The following CCDC178 variants were observed in gnomAD, a reference collection of about 807,000 sequenced individuals.
CCDC178 encodes the protein coiled-coil domain containing 178.
Under a neutral mutation model 117.4 loss-of-function variants are expected in CCDC178, and 126 were observed. The ratio of observed to expected loss-of-function variants is 1.07; its 90% CI spans 0.93 to 1.24. The LOEUF is 1.24. Ranked by LOEUF, CCDC178 falls within the 50% of genes most tolerant of loss-of-function variation. CCDC178 has a pLI of 0.00. For synonymous variants in CCDC178, 283 were observed against 313.4 expected (o/e 0.90, Z 1.02); for missense variants, 1,030 against 986.9 (o/e 1.04, Z -0.59).
chr18:33,439,756 C>T (rs2064352533), intron 2 of CCDC178, among the ~76,000 whole-genome samples: 1 of 152,138 alleles, frequency 6.6e-6, no homozygotes, highest in Admixed American at 6.5e-5. Context: ...AATCAATACA[C>T]AACAGATTAT....
At chr18:32,984,248 C>T (rs1022885098) in intron 21 of CCDC178, among the ~76,000 whole-genome samples, 1 of 151,714 alleles carries the variant, frequency 6.6e-6, no homozygotes, top group Non-Finnish European at 1.5e-5. Flanking sequence ...GCATTTGGAT[C>T]TCTGCTAATA....
chr18:33,131,774 A>G (rs2058070664), intron 20 of CCDC178, among the ~76,000 whole-genome samples: 1 of 151,790 alleles, frequency 6.6e-6, no homozygotes, highest in Non-Finnish European at 1.5e-5. Flanking sequence ...ATAATAATAT[A>G]ACATGAAACC....
intron 21 of CCDC178, among the ~76,000 whole-genome samples, chr18:33,008,854 T>C (rs2055803786): frequency 6.6e-6 from 1 of 152,130 alleles, no homozygotes; most frequent in Non-Finnish European, 1.5e-5. Context: ...CCAGTAAGGA[T>C]ACTTTCCCTC....
In CCDC178 at chr18:33,013,710, C is replaced by T. The variant is rs143519447; in HGVS notation, c.2389-39029G>A. ...GGGATAATTTCACTCAAGAAGTGGACATGGATGAAAGGTATTTCACTTAAG... is the reference window on the plus strand; with the variant it reads ...GGGATAATTTCACTCAAGAAGTGGATATGGATGAAAGGTATTTCACTTAAG... On this transcript the variant is annotated intron_variant, in intron 21 of 22. Coordinates refer to ENST00000383096, the MANE Select transcript of CCDC178 (RefSeq NM_001105528.4). Among the ~76,000 whole-genome samples the T allele has an allele frequency of 2.7e-3, 410 of 152,268 alleles. 2 individuals are homozygous for T. Among genetic ancestry groups the T allele is most frequent in the South Asian group, 9.1e-3 (44 of 4,830 alleles).
intron 21 of CCDC178, among the ~76,000 whole-genome samples, chr18:33,075,348 G>A (rs2057185557): frequency 6.6e-6 from 1 of 152,056 alleles, no homozygotes; most frequent in Non-Finnish European, 1.5e-5. Context: ...TGGCCATCTG[G>A]ATTTTTAAAG....
intron 20 of CCDC178, among the ~76,000 whole-genome samples, chr18:33,158,902 C>T (rs796181945): frequency 2.6e-4 from 39 of 152,092 alleles, no homozygotes; most frequent in African/African-American, 8.2e-4. Flanking sequence ...TTTAAAGGTA[C>T]GTTAGTTATT....
At chr18:33,251,878 C>T (rs1179676169) in intron 14 of CCDC178, among the ~76,000 whole-genome samples, 2 of 151,688 alleles carry the variant, frequency 1.3e-5, no homozygotes, top group Non-Finnish European at 3.0e-5. Context: ...ATGAAGAAAG[C>T]TGCTGGTTTA....
intron 22 of CCDC178, among the ~76,000 whole-genome samples, chr18:32,960,361 T>C (rs945476687): frequency 6.6e-6 from 1 of 151,634 alleles, no homozygotes; most frequent in Admixed American, 6.6e-5. Context: ...ACAGAGTGAG[T>C]GGAAACAACT....
chr18:33,251,549 GC>G (rs1311058679), intron 14 of CCDC178, among the ~76,000 whole-genome samples: 3 of 151,606 alleles, frequency 2.0e-5, no homozygotes, highest in Non-Finnish European at 3.0e-5. Flanking sequence ...CCTCTAATTG[GC>G]CCCAGTCCCT....
intron 12 of CCDC178, among the ~76,000 whole-genome samples, chr18:33,278,974 T>C (rs530313506): frequency 3.7e-4 from 56 of 152,236 alleles, no homozygotes; most frequent in African/African-American, 1.3e-3. Context: ...AAGAGCTATC[T>C]ATGACAAACC....
intron 5 of CCDC178, among the ~76,000 whole-genome samples, chr18:33,386,546 C>T (rs1325479711): frequency 1.3e-5 from 2 of 152,084 alleles, no homozygotes; most frequent in African/African-American, 2.4e-5. Flanking sequence ...ACCTTCATCC[C>T]CAGGATGCAA....
intron 15 of CCDC178, among the ~76,000 whole-genome samples, chr18:33,233,929 C>T (rs1227775469): frequency 6.6e-6 from 1 of 151,968 alleles, no homozygotes; most frequent in African/African-American, 2.4e-5. Context: ...AAAGTAGAAA[C>T]AAAGTTCAGA....
chr18:33,338,097 G>A (rs1338024240), intron 9 of CCDC178, among the ~76,000 whole-genome samples: 1 of 152,126 alleles, frequency 6.6e-6, no homozygotes, highest in Admixed American at 6.5e-5. Context: ...CTAAGGATAT[G>A]AGTAGACAAT....
chr18:33,188,205 G>C (rs572391542), intron 20 of CCDC178, among the ~76,000 whole-genome samples: 1 of 151,974 alleles, frequency 6.6e-6, no homozygotes, highest in African/African-American at 2.4e-5. Flanking sequence ...TGCAGGATAG[G>C]GTAATGTTCT....
chr18:33,172,130 G>A (rs1045290373), intron 20 of CCDC178, among the ~76,000 whole-genome samples: 9 of 152,068 alleles, frequency 5.9e-5, no homozygotes, highest in African/African-American at 1.2e-4. Flanking sequence ...GGCTGGTCTC[G>A]ACGATCCACC....
At chr18:33,257,568 T>C (rs2059696074) in intron 14 of CCDC178, among the ~76,000 whole-genome samples, 1 of 152,138 alleles carries the variant, frequency 6.6e-6, no homozygotes, top group Non-Finnish European at 1.5e-5. Context: ...CATTGACCCC[T>C]GAGAATTTCC....
At chr18:33,212,994 T>C (rs1051974690) in intron 19 of CCDC178, among the ~76,000 whole-genome samples, 1 of 152,004 alleles carries the variant, frequency 6.6e-6, no homozygotes, top group Non-Finnish European at 1.5e-5. Flanking sequence ...TTAAATCACT[T>C]GCACAGTTAG....
chr18:33,173,530 T>C (rs2058629465), intron 20 of CCDC178, among the ~76,000 whole-genome samples: 1 of 152,216 alleles, frequency 6.6e-6, no homozygotes, highest in Admixed American at 6.5e-5. Context: ...TGTCCTCTCT[T>C]AGGGCTCTTG....
chr18:33,244,381 T>C (rs180916904), intron 15 of CCDC178, among the ~76,000 whole-genome samples: 5 of 152,014 alleles, frequency 3.3e-5, no homozygotes, highest in Admixed American at 3.3e-4. Flanking sequence ...ATGGTTTGGC[T>C]TTGTGTCCAT....
Sources: gnomAD v4.1 joint callset for allele counts (sites outside exome capture counted in the v4.1 genomes callset) on GRCh38, gnomAD v4.1.1 for gene constraint, MANE v1.5 for transcripts, NCBI Gene and HGNC (gene_info 2026-07-23, HGNC 2026-07-21) for gene names.